C14orf93: variants seen among roughly 807,000 people sequenced by gnomAD.
C14orf93 encodes the protein uncharacterized protein C14orf93.
In C14orf93, 23 loss-of-function variants were observed where a neutral mutation model predicts 44.0. That is an observed-to-expected ratio of 0.52 (90% CI 0.38 to 0.74). The LOEUF (loss-of-function observed/expected upper bound fraction) is 0.74, where lower values mean the gene tolerates loss of function less well. Ranked by LOEUF, C14orf93 falls within the 30% of genes least tolerant of loss-of-function variation. The pLI is 0.00. For synonymous variants in C14orf93, 253 were observed against 265.7 expected (o/e 0.95, Z 0.46); for missense variants, 579 against 678.9 (o/e 0.85, Z 1.64).
rs2045251240 is a variant in C14orf93, at chr14:22,986,853, G to T, written c.*362C>A. ...GTACAACCTGGGCTGCTTCCTCAGA[G>T]CTTTGGGTGGAACTGGGCAGGGGCA... On this transcript the variant is annotated 3_prime_UTR_variant, in exon 7 of 7. Coordinates refer to ENST00000299088, the MANE Select transcript of C14orf93 (RefSeq NM_021944.4). The T allele has an allele frequency of 3.8e-6, 1 of 264,196 alleles. No homozygotes were observed. The highest frequency in any genetic ancestry group is 9.2e-5 in the East Asian group (1 of 10,874). The allele number at this position is 264,196 out of a possible 1,614,324, so 16.4% of individuals were successfully genotyped here. A position where few individuals can be genotyped will look rare whatever the true frequency, so the allele number is the denominator to read the frequency against.
In C14orf93 at chr14:22,987,502, G is replaced by A; in HGVS notation, c.1330C>T (p.Pro444Ser). The A allele has an allele frequency of 6.2e-7, 1 of 1,614,236 alleles. No individual in the cohort carries two copies. Among genetic ancestry groups the A allele is most frequent in the Non-Finnish European group, 8.5e-7 (1 of 1,180,050 alleles). The part of the protein sequence containing the change: ...LNEPGVWVAR[P>S]PRFRAQRLTE... ...AGGCGCTGGGCCCGGAAACGGGGAGGGCGGGCCACCCACACACCTGGCTCG... is the reference window on the plus strand; with the variant it reads ...AGGCGCTGGGCCCGGAAACGGGGAGAGCGGGCCACCCACACACCTGGCTCG... Residue 444 changes from proline (P) to serine (S), a missense_variant, in exon 7 of 7, where the codon CCT becomes TCT. Transcript: ENST00000299088. This position sits in a 1 kb window ranked among gnomAD's most constrained non-coding sequence, Gnocchi z 5.6.
intron 5 of C14orf93, among the ~76,000 whole-genome samples, chr14:22,988,564 G>A (rs1054630635): frequency 6.6e-6 from 1 of 152,060 alleles, no homozygotes; most frequent in African/African-American, 2.4e-5. Flanking sequence ...GCAGTGGCAT[G>A]GTCATGCATG....
At position 22,996,977 on chromosome 14, in the gene C14orf93, GCACACGCACACACA is replaced by G. The variant is rs533520003; in HGVS notation, c.598-723_598-710del. Among the ~76,000 whole-genome samples the G allele has an allele frequency of 9.4e-3, 1,411 of 149,344 alleles. 19 individuals carry two copies. Among genetic ancestry groups the G allele is most frequent in the African/African-American group, 0.034 (1,341 of 39,196 alleles). ...AAATACTGAAAGTGGGGACACACAC[GCACACGCACACACA>G]CACACACACACACACACACAGAAAG... is the stretch of plus-strand genomic sequence containing the variant. On this transcript the variant is annotated intron_variant, in intron 2 of 6. Transcript: ENST00000299088. The surrounding 1 kb of genome is among the most constrained non-coding windows in gnomAD (Gnocchi z 4.1).
intron 1 of C14orf93, among the ~76,000 whole-genome samples, chr14:23,009,586 A>G (rs2046783166): frequency 6.6e-6 from 1 of 152,170 alleles, no homozygotes; most frequent in South Asian, 2.1e-4. Context: ...TCTCCATTAT[A>G]ATATCCCAAT....
chr14:22,993,443 C>T (rs1168766024), intron 3 of C14orf93, among the ~76,000 whole-genome samples: 1 of 152,160 alleles, frequency 6.6e-6, no homozygotes, highest in Non-Finnish European at 1.5e-5. Context: ...CATTATTATA[C>T]TAGCTGCATA....
chr14:22,996,346 A>C lies in C14orf93; in HGVS notation c.598-78T>G. Reference sequence around the variant, plus strand: ...GGTTAACCATCATTCTTTGGCTAAGAATAGTGAACAGAAAGTGGAAAGAAG... The same window carrying C: ...GGTTAACCATCATTCTTTGGCTAAGCATAGTGAACAGAAAGTGGAAAGAAG... On this transcript the variant is annotated intron_variant, in intron 2 of 6. Transcript: ENST00000299088. This position sits in a 1 kb window ranked among gnomAD's most constrained non-coding sequence, Gnocchi z 4.1. The C allele has an allele frequency of 7.2e-7, 1 of 1,385,894 alleles. No individual in the cohort carries two copies. The highest frequency in any genetic ancestry group is 9.7e-7 in the Non-Finnish European group (1 of 1,027,130). 85.8% of individuals were successfully genotyped at this position (1,385,894 alleles called of 1,614,324 possible).
In C14orf93 at chr14:22,999,121, G is replaced by A; in HGVS notation, c.-98C>T. 6.6e-7 allele frequency: 1 copy of A among 1,507,368 alleles called. No homozygotes were observed. The highest frequency in any genetic ancestry group is 8.8e-7 in the Non-Finnish European group (1 of 1,133,198). 93.4% of individuals were successfully genotyped at this position (1,507,368 alleles called of 1,614,324 possible). ...GGACTCACTTTCCTTTCTCAATGAG[G>A]ATGGTCAGAGGAGCCCAGGCCCCAA... is the stretch of plus-strand genomic sequence containing the variant. On this transcript the variant is annotated 5_prime_UTR_variant, in exon 2 of 7. Transcript: ENST00000299088.
Position 22,995,993 on chromosome 14 carries a change from T to A in C14orf93, c.873A>T (p.Gly291=), listed in dbSNP as rs1165726669. The change falls in exon 3 of 7, where the codon GGA becomes GGT. Residue 291 remains glycine, a synonymous_variant. Transcript: ENST00000299088. ...TGCGCCTGGAGTTCTTCTGCCCACT[T>A]CCTCTGGTCCTGCATGGGGAAACGG... The part of the protein sequence containing the change: ...GLTVSPCRTR[G]SGQKNSRRKR... 2.5e-6 allele frequency: 4 copies of A among 1,610,332 alleles called. No homozygotes were observed. The highest frequency in any genetic ancestry group is 3.4e-6 in the Non-Finnish European group (4 of 1,177,594).
chr14:22,992,033 C>T (rs929922358), intron 3 of C14orf93, among the ~76,000 whole-genome samples: 9 of 152,150 alleles, frequency 5.9e-5, no homozygotes, highest in Non-Finnish European at 1.0e-4. Flanking sequence ...CGGAAAAGAC[C>T]GTGGAGGCTA....
chr14:22,996,647 A>C lies in C14orf93; in HGVS notation c.598-379T>G, dbSNP rs1269689160. 6.6e-6 allele frequency among the ~76,000 whole-genome samples: 1 copy of C among 152,236 alleles called. No individual in the cohort carries two copies. Among genetic ancestry groups the C allele is most frequent in the Non-Finnish European group, 1.5e-5 (1 of 68,046 alleles). On this transcript the variant is annotated intron_variant, in intron 2 of 6. Coordinates refer to ENST00000299088, the MANE Select transcript of C14orf93 (RefSeq NM_021944.4). This position sits in a 1 kb window ranked among gnomAD's most constrained non-coding sequence, Gnocchi z 4.1. ...GAAACCAAGCAAGAGAAGGAGTAAG[A>C]AAATAAAACAGTAACAGCAATAAAG...
At chr14:22,997,904 T>C in intron 2 of C14orf93, among the ~76,000 whole-genome samples, 1 of 151,766 alleles carries the variant, frequency 6.6e-6, no homozygotes, top group Non-Finnish European at 1.5e-5. Flanking sequence ...CTTTTTCTCC[T>C]CCCTCAGCCC....
intron 2 of C14orf93, among the ~76,000 whole-genome samples, chr14:22,997,189 G>A (rs2046033297): frequency 1.3e-5 from 2 of 152,150 alleles, no homozygotes; most frequent in African/African-American, 4.8e-5. Context: ...CCCTTGAGCT[G>A]GAACCACGGA....
intron 1 of C14orf93, among the ~76,000 whole-genome samples, chr14:23,008,154 C>CAA (rs55936083): frequency 3.4e-4 from 29 of 85,052 alleles, no homozygotes; most frequent in South Asian, 2.3e-3. Context: ...AACTCCGTTT[C>CAA]AAAAAAAAAA....
chr14:22,996,265 C>A lies in C14orf93; in HGVS notation c.601G>T (p.Val201Leu). ...SEAAPLLNPLVDDYVASEGAV... is the reference protein window; with the variant it reads ...SEAAPLLNPLLDDYVASEGAV... ...CCCTCAGAGGCCACGTAATCATCCA[C>A]CAGCTAAGAACATAAAAAATAATAG... The change falls in exon 3 of 7, where the codon GTG (valine) becomes TTG (leucine). Residue 201 changes from valine (V) to leucine (L), a missense_variant. Transcript: ENST00000299088. This position sits in a 1 kb window ranked among gnomAD's most constrained non-coding sequence, Gnocchi z 4.1. The A allele has an allele frequency of 6.5e-7, 1 of 1,544,224 alleles. No homozygotes were observed. Among genetic ancestry groups the A allele is most frequent in the Non-Finnish European group, 8.8e-7 (1 of 1,140,888 alleles).
At chr14:23,007,358 T>G (rs973620652) in intron 1 of C14orf93, among the ~76,000 whole-genome samples, 4 of 152,228 alleles carry the variant, frequency 2.6e-5, no homozygotes, top group African/African-American at 9.6e-5. Context: ...TTTAGCTTGT[T>G]TTTGTTTACT....
chr14:23,002,481 C>T (rs1433692468), intron 1 of C14orf93, among the ~76,000 whole-genome samples: 1 of 151,724 alleles, frequency 6.6e-6, no homozygotes, highest in Non-Finnish European at 1.5e-5. Flanking sequence ...TGAGGTTCTC[C>T]TCTGGCTGCA....
intron 1 of C14orf93, among the ~76,000 whole-genome samples, chr14:23,008,154 CAAAAAA>C (rs55936083): frequency 3.5e-5 from 3 of 85,062 alleles, no homozygotes; most frequent in South Asian, 4.6e-4. Context: ...AACTCCGTTT[CAAAAAA>C]AAAAAAAAAA....
At chr14:23,000,105 G>A (rs1223112822) in intron 1 of C14orf93, 2 of 152,134 alleles carry the variant, frequency 1.3e-5, no homozygotes, top group Non-Finnish European at 2.9e-5. Context: ...GAACAGCTAT[G>A]CTGTCACTTT....
chr14:22,989,507 G>T (rs559256999), intron 5 of C14orf93, among the ~76,000 whole-genome samples: 1 of 152,206 alleles, frequency 6.6e-6, no homozygotes, highest in Non-Finnish European at 1.5e-5. Flanking sequence ...GCATGATGCT[G>T]TTCTAGCCCT....
Sources: allele counts gnomAD v4.1 joint callset (sites outside exome capture counted in the v4.1 genomes callset), GRCh38; gene constraint gnomAD v4.1.1; non-coding constraint Gnocchi (gnomAD v3.1); transcripts MANE v1.5; gene names NCBI Gene and HGNC (gene_info 2026-07-23, HGNC 2026-07-21).